The following GRID2 variants were observed in gnomAD, a reference collection of about 807,000 sequenced individuals.
GRID2 encodes the protein glutamate ionotropic receptor delta type subunit 2.
Under a neutral mutation model 114.8 loss-of-function variants are expected in GRID2, and 33 were observed. The ratio of observed to expected loss-of-function variants is 0.29; its 90% confidence interval spans 0.22 to 0.38. The LOEUF (loss-of-function observed/expected upper bound fraction) is 0.38, where lower values mean the gene tolerates loss of function less well. GRID2 is among the 10% of genes least tolerant of loss of function. GRID2 has a pLI of 1.00. For synonymous variants in GRID2, 505 were observed against 449.9 expected (o/e 1.12, Z -1.55); for missense variants, 1,184 against 1,257.7 (o/e 0.94, Z 0.89).
intron 5 of GRID2, among the ~76,000 whole-genome samples, chr4:93,211,434 T>A (rs1025445038): frequency 9.2e-5 from 14 of 152,142 alleles, no homozygotes; most frequent in Admixed American, 2.6e-4. Context: ...AATATTGTCA[T>A]TAAGTGGATG....
At chr4:92,746,827 A>C (rs1288647387) in intron 2 of GRID2, among the ~76,000 whole-genome samples, 1 of 152,074 alleles carries the variant, frequency 6.6e-6, no homozygotes, top group Non-Finnish European at 1.5e-5. Context: ...TAAGGGCCTG[A>C]AATTACATGT....
At chr4:92,504,836 A>C (rs897380205) in intron 1 of GRID2, among the ~76,000 whole-genome samples, 1 of 152,056 alleles carries the variant, frequency 6.6e-6, no homozygotes, top group African/African-American at 2.4e-5. Flanking sequence ...AAAACATTTC[A>C]TTTTGGGATA....
intron 11 of GRID2, among the ~76,000 whole-genome samples, chr4:93,477,545 A>C (rs1344261287): frequency 6.6e-6 from 1 of 152,122 alleles, no homozygotes; most frequent in African/African-American, 2.4e-5. Flanking sequence ...ACACTCTCTT[A>C]AAACAGATAA....
intron 1 of GRID2, among the ~76,000 whole-genome samples, chr4:92,376,665 C>G (rs777529243): frequency 6.6e-6 from 1 of 152,106 alleles, no homozygotes; most frequent in Non-Finnish European, 1.5e-5. Context: ...GCCCCTGCAA[C>G]AAACTTCTGC....
chr4:92,588,823 C>A (rs932770916), intron 1 of GRID2, among the ~76,000 whole-genome samples: 1 of 151,978 alleles, frequency 6.6e-6, no homozygotes, highest in Non-Finnish European at 1.5e-5. Context: ...GCAGTGATGG[C>A]CAGGCACAGC....
At chr4:93,078,689 ATATAAT>A (rs1166474532) in intron 2 of GRID2, among the ~76,000 whole-genome samples, 4 of 147,288 alleles carry the variant, frequency 2.7e-5, no homozygotes, top group Non-Finnish European at 4.5e-5. Flanking sequence ...AATATACTAA[ATATAAT>A]TATATTTATA....
At chr4:92,854,446 T>C (rs557304393) in intron 2 of GRID2, among the ~76,000 whole-genome samples, 2 of 152,080 alleles carry the variant, frequency 1.3e-5, no homozygotes, top group African/African-American at 4.8e-5. Flanking sequence ...TTGAGGAACA[T>C]AGAGTGATAT....
At chr4:92,457,137 T>C (rs1287937526) in intron 1 of GRID2, among the ~76,000 whole-genome samples, 3 of 152,132 alleles carry the variant, frequency 2.0e-5, no homozygotes. Flanking sequence ...TTTTTCTGTT[T>C]GTAATTTTTT....
intron 13 of GRID2, among the ~76,000 whole-genome samples, chr4:93,622,346 G>A (rs113809484): frequency 2.0e-4 from 31 of 152,166 alleles, no homozygotes; most frequent in African/African-American, 5.3e-4. Context: ...AATTGTTTCC[G>A]ATGATATTAC....
intron 7 of GRID2, among the ~76,000 whole-genome samples, chr4:93,227,040 G>C (rs1745562115): frequency 6.6e-6 from 1 of 152,146 alleles, no homozygotes; most frequent in Non-Finnish European, 1.5e-5. Context: ...CCCATGATGA[G>C]TGCCTTGGGC....
intron 10 of GRID2, among the ~76,000 whole-genome samples, chr4:93,449,384 T>C (rs9307124): frequency 0.08 from 12,137 of 152,076 alleles, 629 homozygotes; most frequent in African/African-American, 0.15. Flanking sequence ...AGAGGTGATA[T>C]TTAGTTTGGA....
chr4:93,207,467 A>T lies in GRID2; in HGVS notation c.789+10A>T, dbSNP rs369042224. On this transcript the variant is annotated intron_variant, in intron 5 of 15. Transcript: ENST00000282020. ...GATCATTATAAATGAGGTAAAGCCAACTAAACCTTATTGTTAACTCTGTGT... is the reference window on the plus strand; with the variant it reads ...GATCATTATAAATGAGGTAAAGCCATCTAAACCTTATTGTTAACTCTGTGT... 9 of 1,537,672 alleles carry T rather than the reference A, an allele frequency of 5.9e-6. No homozygotes were observed. Among genetic ancestry groups the T allele is most frequent in the Non-Finnish European group, 8.1e-6 (9 of 1,111,972 alleles).
intron 1 of GRID2, among the ~76,000 whole-genome samples, chr4:92,445,500 GAGTGTTTT>G (rs752265898): frequency 7.9e-5 from 12 of 152,226 alleles, no homozygotes; most frequent in Non-Finnish European, 1.3e-4. Flanking sequence ...ACAGCTGAAA[GAGTGTTTT>G]AAAAAGTGAT....
intron 13 of GRID2, among the ~76,000 whole-genome samples, chr4:93,523,235 T>C (rs1010032632): frequency 6.6e-6 from 1 of 152,076 alleles, no homozygotes. Context: ...ATAAGTACAT[T>C]CTACTTAGCA....
At chr4:93,158,280 C>T (rs1420285607) in intron 4 of GRID2, among the ~76,000 whole-genome samples, 1 of 151,828 alleles carries the variant, frequency 6.6e-6, no homozygotes, top group African/African-American at 2.4e-5. Context: ...GCAGCGAATA[C>T]TCTTCATGAG....
intron 2 of GRID2, among the ~76,000 whole-genome samples, chr4:92,685,483 A>AT (rs1733854393): frequency 6.6e-6 from 1 of 152,090 alleles, no homozygotes; most frequent in Admixed American, 6.6e-5. Flanking sequence ...GAAGTGGCAT[A>AT]TTACAGATAA....
chr4:92,844,610 T>C (rs1363747409), intron 2 of GRID2, among the ~76,000 whole-genome samples: 1 of 151,108 alleles, frequency 6.6e-6, no homozygotes, highest in Non-Finnish European at 1.5e-5. Flanking sequence ...GGATTGATTG[T>C]AGCCTTTCTT....
At chr4:93,259,694 C>T (rs1030237695) in intron 8 of GRID2, among the ~76,000 whole-genome samples, 6 of 151,644 alleles carry the variant, frequency 4.0e-5, no homozygotes, top group East Asian at 1.9e-4. Context: ...GTGAATGTAA[C>T]GGTTACATGT....
At chr4:92,660,483 A>T (rs1272531777) in intron 2 of GRID2, among the ~76,000 whole-genome samples, 1 of 151,304 alleles carries the variant, frequency 6.6e-6, no homozygotes, top group Admixed American at 6.6e-5. Flanking sequence ...GAGTAAATGA[A>T]CACAGCTTTT....
Sources: gnomAD v4.1 joint callset for allele counts (sites outside exome capture counted in the v4.1 genomes callset) on GRCh38, gnomAD v4.1.1 for gene constraint, MANE v1.5 for transcripts, NCBI Gene and HGNC (gene_info 2026-07-23, HGNC 2026-07-21) for gene names.